COL10A1: variants seen among roughly 807,000 people sequenced by gnomAD.
COL10A1 encodes collagen alpha-1(X) chain.
A neutral mutation model predicts 18.2 loss-of-function variants in COL10A1; 10 were observed. The ratio of observed to expected loss-of-function variants is 0.55; its 90% CI spans 0.34 to 0.93. COL10A1 has a LOEUF of 0.93. Ranked by LOEUF, COL10A1 falls within the 40% of genes least tolerant of loss-of-function variation. COL10A1 has a pLI of 0.02. For missense variants in COL10A1, 897 were observed against 853.5 expected (o/e 1.05, Z -0.64); for synonymous variants, 330 against 316.6 (o/e 1.04, Z -0.45).
chr6:116,120,305 T>C lies in COL10A1; in HGVS notation c.1811A>G (p.His604Arg), dbSNP rs1312690808. 2 of 1,614,106 alleles carry C rather than the reference T, an allele frequency of 1.2e-6. No individual in the cohort carries two copies. Among genetic ancestry groups the C allele is most frequent in the East Asian group, 2.2e-5 (1 of 44,898 alleles). ...TACCCAAACATGAGTCCCTTTCACA[T>C]GCACGTGGTATGAAAAATAGTATAT... ...PGIYYFSYHV[H>R]VKGTHVWVGL... Residue 604 changes from histidine to arginine, a missense_variant, in exon 3 of 3, where the codon CAT (histidine) becomes CGT (arginine). His to Arg is a conservative substitution (Grantham distance 29, BLOSUM62 0). Transcript: ENST00000651968.
At chr6:116,209,400 T>C in the COL10A1 span, among the ~76,000 whole-genome samples, 81 of 152,164 alleles carry the variant, frequency 5.3e-4, no homozygotes, top group Non-Finnish European at 8.7e-4. Flanking sequence ...AGGAATCCTC[T>C]GGTACTTGCC....
chr6:116,125,562 AT>A lies in COL10A1; in HGVS notation c.-15-56del, dbSNP rs143347650. The A allele has an allele frequency of 8.9e-3, 13,559 of 1,530,884 alleles. 635 individuals carry two copies. The African/African-American group carries it at 0.12, about 14-fold the overall frequency. 94.8% of individuals were successfully genotyped at this position (1,530,884 alleles called of 1,614,324 possible). A position where few individuals can be genotyped will look rare whatever the true frequency, so the allele number is the denominator to read the frequency against. On this transcript the variant is annotated intron_variant, in intron 1 of 2. Coordinates refer to ENST00000651968, the MANE Select transcript of COL10A1 (RefSeq NM_000493.4). ...AGCATTGTTATTAACCTATTTTTTT[AT>A]TCTCATGTTTCACAGATGAGTTCTT...
chr6:116,182,235 G>GTA, the COL10A1 span, among the ~76,000 whole-genome samples: 1 of 151,310 alleles, frequency 6.6e-6, no homozygotes, highest in East Asian at 1.9e-4. Context: ...GTGTGTGTGT[G>GTA]TGTGTGTGTG....
intron 1 of COL10A1, among the ~76,000 whole-genome samples, chr6:116,138,587 A>G (rs550419624): frequency 2.6e-5 from 4 of 152,050 alleles, no homozygotes; most frequent in African/African-American, 7.3e-5. Flanking sequence ...ATTTGTTTTT[A>G]TTTCGAAGAA....
the COL10A1 span, among the ~76,000 whole-genome samples, chr6:116,186,350 C>G: frequency 6.6e-6 from 1 of 150,732 alleles, no homozygotes; most frequent in African/African-American, 2.4e-5. Context: ...GACTGTGTGC[C>G]TAGGTGGTGA....
intron 1 of COL10A1, among the ~76,000 whole-genome samples, chr6:116,152,572 G>C (rs1337721641): frequency 1.3e-5 from 2 of 151,962 alleles, no homozygotes; most frequent in Non-Finnish European, 2.9e-5. Context: ...ATCTCACATG[G>C]GACTTTCATC....
chr6:116,199,686 A>T, the COL10A1 span, among the ~76,000 whole-genome samples: 2 of 152,042 alleles, frequency 1.3e-5, no homozygotes, highest in East Asian at 1.9e-4. Context: ...AATTACAATG[A>T]TGGAGGTGTG....
intron 1 of COL10A1, among the ~76,000 whole-genome samples, chr6:116,157,787 T>A (rs1172817005): frequency 6.6e-6 from 1 of 152,090 alleles, no homozygotes; most frequent in Non-Finnish European, 1.5e-5. Flanking sequence ...AACGGGGAAA[T>A]CAAAAACTGA....
intron 2 of COL10A1, among the ~76,000 whole-genome samples, chr6:116,124,670 T>C (rs1443429436): frequency 6.6e-6 from 1 of 152,208 alleles, no homozygotes; most frequent in African/African-American, 2.4e-5. Flanking sequence ...CTCCTTATTT[T>C]ACAAATGAGG....
the COL10A1 span, among the ~76,000 whole-genome samples, chr6:116,215,514 T>C: frequency 6.6e-6 from 1 of 152,130 alleles, no homozygotes; most frequent in Non-Finnish European, 1.5e-5. Flanking sequence ...TGTCCAGATA[T>C]TATTGTATGT....
At chr6:116,182,237 G>C in the COL10A1 span, among the ~76,000 whole-genome samples, 1 of 151,696 alleles carries the variant, frequency 6.6e-6, no homozygotes, top group East Asian at 1.9e-4. Context: ...GTGTGTGTGT[G>C]TGTGTGTGTG....
chr6:116,175,362 T>A, the COL10A1 span, among the ~76,000 whole-genome samples: 1 of 152,196 alleles, frequency 6.6e-6, no homozygotes, highest in Non-Finnish European at 1.5e-5. Flanking sequence ...TTCCCTTTTA[T>A]ATTTCCTTTT....
At chr6:116,201,405 T>G in the COL10A1 span, among the ~76,000 whole-genome samples, 2 of 151,964 alleles carry the variant, frequency 1.3e-5, no homozygotes, top group Admixed American at 1.3e-4. Flanking sequence ...GAAATTGAAT[T>G]TAGAATCACT....
In COL10A1 at chr6:116,125,602, A is replaced by T. The variant is rs896474768; in HGVS notation, c.-15-95T>A. The T allele has an allele frequency of 2.7e-6, 3 of 1,095,738 alleles. No individual in the cohort carries two copies. In the African/African-American group the frequency reaches 4.7e-5, roughly 17 times the overall value. The allele number at this position is 1,095,738 out of a possible 1,614,324, so 67.9% of individuals were successfully genotyped here. ...AGATGAGTTCTTTATACAGTTATCT[A>T]CTTTTTTAACCTATCCTATATATTT... On this transcript the variant is annotated intron_variant, in intron 1 of 2. Transcript: ENST00000651968.
At chr6:116,136,575 C>T (rs568595352) in intron 1 of COL10A1, among the ~76,000 whole-genome samples, 2 of 152,126 alleles carry the variant, frequency 1.3e-5, no homozygotes, top group Non-Finnish European at 2.9e-5. Context: ...TTTTCTTCCA[C>T]ACCACATAAC....
chr6:116,211,911 T>A, the COL10A1 span, among the ~76,000 whole-genome samples: 1 of 152,018 alleles, frequency 6.6e-6, no homozygotes, highest in South Asian at 2.1e-4. Context: ...AACACACTGA[T>A]GAACAAAATG....
chr6:116,147,801 C>T (rs903254602), intron 1 of COL10A1, among the ~76,000 whole-genome samples: 1 of 151,964 alleles, frequency 6.6e-6, no homozygotes, highest in Non-Finnish European at 1.5e-5. Context: ...TTGATTATAC[C>T]ATTGTTTGTA....
At chr6:116,212,019 G>T in the COL10A1 span, among the ~76,000 whole-genome samples, 1 of 152,024 alleles carries the variant, frequency 6.6e-6, no homozygotes, top group Non-Finnish European at 1.5e-5. Context: ...CTCAAGCAAT[G>T]TTGCAGAGTA....
upstream of COL10A1, among the ~76,000 whole-genome samples, chr6:116,128,513 T>C (rs907310937): frequency 2.6e-5 from 4 of 152,178 alleles, no homozygotes; most frequent in African/African-American, 9.7e-5. Context: ...ATATGAATAA[T>C]GATTTTTTTC....
Sources: allele counts gnomAD v4.1 joint callset (sites outside exome capture counted in the v4.1 genomes callset), GRCh38; gene constraint gnomAD v4.1.1; transcripts MANE v1.5; gene names NCBI Gene and HGNC (gene_info 2026-07-23, HGNC 2026-07-21).